The following PXDNL variants were observed in gnomAD, a reference collection of about 807,000 sequenced individuals.
The protein encoded by PXDNL is peroxidasin like, also known as probable oxidoreductase PXDNL.
PXDNL carries 145 observed loss-of-function variants against 150.8 expected under a neutral mutation model. The observed-to-expected ratio is 0.96, with a 90% CI of 0.84 to 1.10. PXDNL has a LOEUF of 1.10. PXDNL is among the 50% of genes least tolerant of loss of function. The probability of loss-of-function intolerance (pLI) is 0.00; values close to 1 mark genes in which losing one functional copy is unlikely to be tolerated. For synonymous variants in PXDNL, 757 were observed against 725.7 expected (o/e 1.04, Z -0.69); for missense variants, 2,087 against 1,873.9 (o/e 1.11, Z -2.10).
chr8:51,351,422 G>A (rs978337020), intron 19 of PXDNL, among the ~76,000 whole-genome samples: 2 of 152,176 alleles, frequency 1.3e-5, no homozygotes, highest in Non-Finnish European at 2.9e-5. Flanking sequence ...GAGAGATACA[G>A]CAGAAGCCAA....
At chr8:51,656,363 G>C (rs1335123879) in intron 1 of PXDNL, among the ~76,000 whole-genome samples, 2 of 152,070 alleles carry the variant, frequency 1.3e-5, no homozygotes, top group Non-Finnish European at 2.9e-5. Context: ...TTGCTAAATG[G>C]AATGCACTGC....
At chr8:51,576,465 C>T (rs149209526) in intron 3 of PXDNL, among the ~76,000 whole-genome samples, 7 of 151,696 alleles carry the variant, frequency 4.6e-5, no homozygotes, top group East Asian at 1.9e-4. Flanking sequence ...AAAAAAAAAT[C>T]GGACTAAATC....
chr8:51,350,637 G>T (rs1586023711), intron 19 of PXDNL, among the ~76,000 whole-genome samples: 1 of 152,028 alleles, frequency 6.6e-6, no homozygotes, highest in East Asian at 1.9e-4. Context: ...TTACAGGTGT[G>T]AGCCATCGCG....
Position 51,408,130 on chromosome 8 carries a change from A to C in PXDNL, c.3494T>G (p.Val1165Gly). The change falls in exon 17 of 23, where the codon GTT becomes GGT. Residue 1165 changes from valine (V) to glycine (G), a missense_variant. Coordinates refer to ENST00000356297, the MANE Select transcript of PXDNL (RefSeq NM_144651.5). ...ATTTTGAAGATCCTCAAAGTTCTTA[A>C]CTGAAGTCAAATTACAGAAAACTCT... The part of the protein sequence containing the change: ...DFRVFCNLTS[V>G]KNFEDLQNEI... 3 of 1,613,200 alleles carry C rather than the reference A, an allele frequency of 1.9e-6. No individual in the cohort carries two copies. Among genetic ancestry groups the C allele is most frequent in the Non-Finnish European group, 1.7e-6 (2 of 1,179,620 alleles).
intron 1 of PXDNL, among the ~76,000 whole-genome samples, chr8:51,739,659 G>T (rs1321029534): frequency 1.3e-5 from 2 of 152,058 alleles, no homozygotes; most frequent in African/African-American, 4.8e-5. Context: ...TGGATCACAA[G>T]GTCAGGAGAT....
chr8:51,380,657 T>G (rs1445307562), intron 17 of PXDNL, among the ~76,000 whole-genome samples: 2 of 152,214 alleles, frequency 1.3e-5, no homozygotes, highest in African/African-American at 4.8e-5. Flanking sequence ...TATCTTTTTC[T>G]TATGTTATTG....
rs897721650 is a variant in PXDNL, at chr8:51,483,626, C to A, written c.524+17G>T. The A allele has an allele frequency of 2.1e-6, 3 of 1,440,344 alleles. No individual in the cohort carries two copies. The highest frequency in any genetic ancestry group is 2.9e-6 in the Non-Finnish European group (3 of 1,051,686). The allele number at this position is 1,440,344 out of a possible 1,614,324, so 89.2% of individuals were successfully genotyped here. ...ATTATAAAAGGTTTTTGTGTTAATG[C>A]ACTTGCTTTCACTTACAATCTTTTT... On this transcript the variant is annotated intron_variant, in intron 6 of 22. Coordinates refer to ENST00000356297, the MANE Select transcript of PXDNL (RefSeq NM_144651.5).
intron 19 of PXDNL, among the ~76,000 whole-genome samples, chr8:51,350,416 A>G (rs1806313680): frequency 7.1e-6 from 1 of 140,892 alleles, no homozygotes; most frequent in Admixed American, 7.7e-5. Context: ...CTAGAGTACA[A>G]TGATGCGATC....
chr8:51,674,291 G>A (rs1195729227), intron 1 of PXDNL, among the ~76,000 whole-genome samples: 1 of 152,208 alleles, frequency 6.6e-6, no homozygotes, highest in East Asian at 1.9e-4. Context: ...GACTGGTACT[G>A]AGATGGATTC....
intron 1 of PXDNL, among the ~76,000 whole-genome samples, chr8:51,762,292 A>T (rs2037173872): frequency 6.6e-6 from 1 of 152,222 alleles, no homozygotes; most frequent in Admixed American, 6.5e-5. Flanking sequence ...TCCTTGCCAT[A>T]CCTTGAAATT....
intron 21 of PXDNL, among the ~76,000 whole-genome samples, chr8:51,322,802 A>C (rs1190598064): frequency 6.6e-6 from 1 of 152,232 alleles, no homozygotes; most frequent in Non-Finnish European, 1.5e-5. Context: ...TTGAAGTAGG[A>C]CAGGAGGGTT....
chr8:51,745,098 G>A (rs2130964285), intron 1 of PXDNL, among the ~76,000 whole-genome samples: 1 of 152,202 alleles, frequency 6.6e-6, no homozygotes, highest in Middle Eastern at 3.4e-3. Flanking sequence ...TAAGATGGAT[G>A]TTTATGATAC....
chr8:51,347,428 A>G (rs1201946959), intron 19 of PXDNL, among the ~76,000 whole-genome samples: 2 of 152,274 alleles, frequency 1.3e-5, no homozygotes, highest in Non-Finnish European at 2.9e-5. Context: ...AAAACATACC[A>G]GAAATAAACT....
chr8:51,503,402 A>T (rs1035098706), intron 4 of PXDNL, among the ~76,000 whole-genome samples: 10 of 152,094 alleles, frequency 6.6e-5, no homozygotes, highest in African/African-American at 2.4e-4. Flanking sequence ...CTTTTTCAAA[A>T]TTTTTTTTAA....
At chr8:51,584,378 T>C (rs1478421787) in intron 3 of PXDNL, among the ~76,000 whole-genome samples, 1 of 152,176 alleles carries the variant, frequency 6.6e-6, no homozygotes, top group Non-Finnish European at 1.5e-5. Flanking sequence ...CACCCCAGAC[T>C]GCCTGCTCTG....
intron 1 of PXDNL, among the ~76,000 whole-genome samples, chr8:51,805,451 AT>A: frequency 6.7e-6 from 1 of 148,214 alleles, no homozygotes; most frequent in East Asian, 2.0e-4. Context: ...TATATACAAA[AT>A]GATATATATA....
chr8:51,373,158 G>T (rs184445882), intron 18 of PXDNL, among the ~76,000 whole-genome samples: 22 of 152,252 alleles, frequency 1.4e-4, no homozygotes, highest in African/African-American at 5.3e-4. Flanking sequence ...AATAGATCAC[G>T]TGTGTGAGCC....
intron 1 of PXDNL, among the ~76,000 whole-genome samples, chr8:51,768,949 A>C (rs1563315512): frequency 6.6e-6 from 1 of 152,150 alleles, no homozygotes; most frequent in African/African-American, 2.4e-5. Flanking sequence ...AAAAATGAAA[A>C]AAATTAGCTG....
chr8:51,698,946 A>C (rs1453088549), intron 1 of PXDNL, among the ~76,000 whole-genome samples: 2 of 152,200 alleles, frequency 1.3e-5, no homozygotes, highest in African/African-American at 2.4e-5. Flanking sequence ...TTTTCTGGGC[A>C]GTAGGTCTCA....
Sources: gnomAD v4.1 joint callset for allele counts (sites outside exome capture counted in the v4.1 genomes callset) on GRCh38, gnomAD v4.1.1 for gene constraint, MANE v1.5 for transcripts, NCBI Gene and HGNC (gene_info 2026-07-23, HGNC 2026-07-21) for gene names.